RECK: variants seen among roughly 807,000 people sequenced by gnomAD.
RECK encodes reversion-inducing cysteine-rich protein with Kazal motifs.
In RECK, 69 loss-of-function variants were observed where a neutral mutation model predicts 115.1. The ratio of observed to expected loss-of-function variants is 0.60; its 90% confidence interval spans 0.49 to 0.73. RECK has a LOEUF of 0.73. Ranked by LOEUF, RECK falls within the 30% of genes least tolerant of loss-of-function variation. The probability of loss-of-function intolerance (pLI) is 0.00; values close to 1 mark genes in which losing one functional copy is unlikely to be tolerated. For missense variants in RECK, 1,047 were observed against 1,203.7 expected, an observed-to-expected ratio of 0.87 and a Z score of 1.93; for synonymous variants, 414 against 419.7, an observed-to-expected ratio of 0.99 and a Z score of 0.17.
chr9:36,077,812 G>A (rs1396830841), intron 6 of RECK, among the ~76,000 whole-genome samples: 2 of 152,148 alleles, frequency 1.3e-5, no homozygotes, highest in East Asian at 1.9e-4. Flanking sequence ...GGTATTGGGA[G>A]ACTTTTTCTG....
At chr9:36,119,782 T>TA (rs1824388838) in intron 18 of RECK, among the ~76,000 whole-genome samples, 1 of 152,098 alleles carries the variant, frequency 6.6e-6, no homozygotes, top group Non-Finnish European at 1.5e-5. Context: ...TGGCAGCAAG[T>TA]ACGATGACAC....
At chr9:36,116,831 G>GACTCTCCC (rs754015769) in intron 16 of RECK, among the ~76,000 whole-genome samples, 154 bp from the exon 17 acceptor site, 9 of 152,168 alleles carry the variant, frequency 5.9e-5, no homozygotes, top group Non-Finnish European at 1.2e-4. Flanking sequence ...ATACAGGCTT[G>GACTCTCCC]ACTCTCCCAC....
At chr9:36,074,240 A>C (rs537974701) in intron 6 of RECK, among the ~76,000 whole-genome samples, 1 of 152,162 alleles carries the variant, frequency 6.6e-6, no homozygotes, top group Non-Finnish European at 1.5e-5. Flanking sequence ...CTATGTTTAC[A>C]TGTCTCTTTT....
In RECK at chr9:36,108,068, A is replaced by G; in HGVS notation, c.1669A>G (p.Ile557Val). ...TGCAGGGGAAGTTGGTTGTTATAAA[A>G]TCTGTTCATGTGGACAAAGTGGACT... ...SSAGEVGCYKICSCGQSGLLE... is the reference protein window; with the variant it reads ...SSAGEVGCYKVCSCGQSGLLE... The change falls in exon 14 of 21, where the codon ATC becomes GTC. Residue 557 changes from isoleucine (I) to valine (V), a missense_variant. Transcript: ENST00000377966. 1.2e-6 allele frequency: 2 copies of G among 1,614,116 alleles called. No individual in the cohort carries two copies. The highest frequency in any genetic ancestry group is 1.7e-6 in the Non-Finnish European group (2 of 1,179,946).
At chr9:36,107,319 G>A (rs201135078) in intron 13 of RECK, among the ~76,000 whole-genome samples, 1 of 152,004 alleles carries the variant, frequency 6.6e-6, no homozygotes, top group East Asian at 1.9e-4. Context: ...GCCAGGCGCG[G>A]TAGCTCACGC....
chr9:36,041,486 C>G (rs16932873), intron 1 of RECK, among the ~76,000 whole-genome samples: 3,867 of 152,228 alleles, frequency 0.025, 170 homozygotes, highest in African/African-American at 0.087. Context: ...TCATAATGAT[C>G]AATGTCTAGG....
At chr9:36,107,925 A>G in intron 13 of RECK, 51 bp from the exon 14 acceptor site, 1 of 1,321,354 alleles carries the variant, frequency 7.6e-7, no homozygotes, top group East Asian at 2.3e-5. Flanking sequence ...ATGTTATAAA[A>G]CAATGTCATA....
Position 36,066,114 on chromosome 9 carries a change from A to C in RECK, c.405+490A>C, listed in dbSNP as rs565181910. On this transcript the variant is annotated intron_variant, in intron 6 of 20. Coordinates refer to ENST00000377966, the MANE Select transcript of RECK (RefSeq NM_021111.3). ...AAAAATACTAAGTTACAAAAGCTAT[A>C]TTAAATCTGAAGGACTCTCATCTCA... 1.4e-4 allele frequency among the ~76,000 whole-genome samples: 21 copies of C among 152,314 alleles called. 1 individual carries two copies. In the South Asian group the frequency reaches 2.9e-3, roughly 21 times the overall value.
intron 8 of RECK, among the ~76,000 whole-genome samples, chr9:36,084,153 T>C (rs1822845934): frequency 6.6e-6 from 1 of 151,952 alleles, no homozygotes; most frequent in Non-Finnish European, 1.5e-5. Context: ...CCCAGCACTT[T>C]GAGAAGCCAA....
intron 2 of RECK, among the ~76,000 whole-genome samples, chr9:36,052,839 G>T (rs1467058374): frequency 6.6e-6 from 1 of 152,084 alleles, no homozygotes; most frequent in Non-Finnish European, 1.5e-5. Context: ...ATTGGATCCT[G>T]GAATGAAAGA....
intron 1 of RECK, among the ~76,000 whole-genome samples, chr9:36,050,823 T>C (rs940871277): frequency 2.6e-5 from 4 of 152,184 alleles, no homozygotes; most frequent in Non-Finnish European, 4.4e-5. Flanking sequence ...GGAAAATTCA[T>C]TGTGGCTCGT....
intron 8 of RECK, among the ~76,000 whole-genome samples, chr9:36,087,371 C>T (rs1360348149): frequency 6.6e-6 from 1 of 152,134 alleles, no homozygotes; most frequent in Non-Finnish European, 1.5e-5. Context: ...AACCATCATT[C>T]TCAGCAAACT....
chr9:36,112,359 G>T lies in RECK; in HGVS notation c.1943G>T (p.Arg648Leu). ...GTCCCTGTATGTGGGCAGAATGGGC[G>T]CACTTACCCCAGTGCCTGCATTGCT... is the stretch of plus-strand genomic sequence containing the variant. The part of the protein sequence containing the change: ...QFVPVCGQNG[R>L]TYPSACIARC... The change falls in exon 16 of 21, where the codon CGC (arginine) becomes CTC (leucine). Residue 648 changes from arginine to leucine, a missense_variant. Arg to Leu is a moderately radical substitution (Grantham distance 102, BLOSUM62 -2). Transcript: ENST00000377966. 6.2e-7 allele frequency: 1 copy of T among 1,613,724 alleles called. No homozygotes were observed. The highest frequency in any genetic ancestry group is 8.5e-7 in the Non-Finnish European group (1 of 1,179,996).
intron 19 of RECK, among the ~76,000 whole-genome samples, chr9:36,121,130 T>G (rs755154205): frequency 2.6e-4 from 39 of 152,244 alleles, no homozygotes; most frequent in Non-Finnish European, 4.6e-4. Context: ...TCTGGAGCCC[T>G]GCCCGTTCCC....
intron 1 of RECK, among the ~76,000 whole-genome samples, chr9:36,043,680 T>G (rs1162142046): frequency 1.3e-5 from 2 of 152,196 alleles, no homozygotes; most frequent in Non-Finnish European, 2.9e-5. Flanking sequence ...TGATCAATCT[T>G]GAGTTGATTT....
intron 14 of RECK, among the ~76,000 whole-genome samples, chr9:36,109,275 T>C (rs1353908659): frequency 6.6e-6 from 1 of 152,156 alleles, no homozygotes; most frequent in Non-Finnish European, 1.5e-5. Flanking sequence ...ATAAGAGAAT[T>C]TGAGCCAAAA....
intron 10 of RECK, among the ~76,000 whole-genome samples, chr9:36,098,618 A>G (rs1187610823): frequency 6.6e-6 from 1 of 152,194 alleles, no homozygotes; most frequent in Non-Finnish European, 1.5e-5. Context: ...CATTTACCCA[A>G]GAGACATGAA....
intron 6 of RECK, chr9:36,066,990 G>T: frequency 2.3e-6 from 1 of 442,532 alleles, no homozygotes; most frequent in South Asian, 1.9e-5. Context: ...TATGGCAAAA[G>T]GATCCTTTTG....
chr9:36,112,031 G>A (rs1399003978), intron 15 of RECK, among the ~76,000 whole-genome samples: 1 of 148,506 alleles, frequency 6.7e-6, no homozygotes, highest in Non-Finnish European at 1.5e-5. Flanking sequence ...GCTGAGGCAG[G>A]AGAATGGCGT....
Sources: allele counts gnomAD v4.1 joint callset (sites outside exome capture counted in the v4.1 genomes callset), GRCh38; gene constraint gnomAD v4.1.1; transcripts MANE v1.5; gene names NCBI Gene and HGNC (gene_info 2026-07-23, HGNC 2026-07-21).